The following FHL5 variants were observed in gnomAD, a reference collection of about 807,000 sequenced individuals.
FHL5 encodes the protein four and a half LIM domains 5.
FHL5 carries 33 observed loss-of-function variants against 32.0 expected under a neutral mutation model. The observed-to-expected ratio is 1.03, with a 90% CI of 0.78 to 1.38. The LOEUF (loss-of-function observed/expected upper bound fraction) is 1.38. FHL5 is among the 40% of genes most tolerant of loss of function. The pLI, the probability that FHL5 is intolerant of heterozygous loss-of-function variation, is 0.00. For synonymous variants in FHL5, 114 were observed against 113.6 expected (o/e 1.00, Z -0.02); for missense variants, 336 against 343.9 (o/e 0.98, Z 0.18).
At chr6:96,583,218 G>A (rs886263981) in intron 1 of FHL5, among the ~76,000 whole-genome samples, 9 of 152,088 alleles carry the variant, frequency 5.9e-5, no homozygotes, top group African/African-American at 1.9e-4. Flanking sequence ...GAACCAAGTG[G>A]AAAAAAAGAA....
rs1771521966 is a variant in FHL5, at chr6:96,616,384, A to G, written c.*612A>G. ...AGCTTGCTAGTTCTGTGTTTACTCAATGGAATATGAGAACTGAGGACATTA... is the reference window on the plus strand; with the variant it reads ...AGCTTGCTAGTTCTGTGTTTACTCAGTGGAATATGAGAACTGAGGACATTA... On this transcript the variant is annotated 3_prime_UTR_variant, in exon 6 of 6. Coordinates refer to ENST00000450218, the MANE Select transcript of FHL5 (RefSeq NM_001322466.2). 6.6e-6 allele frequency: 1 copy of G among 152,220 alleles called. No individual in the cohort carries two copies. The highest frequency in any genetic ancestry group is 2.1e-4 in the South Asian group (1 of 4,832). The allele number at this position is 152,220 out of a possible 1,614,324, so 9.4% of individuals were successfully genotyped here.
In FHL5 at chr6:96,617,945, T is replaced by G. The variant is rs1046577675; in HGVS notation, c.*2173T>G. Among the ~76,000 whole-genome samples, 2 of 152,190 alleles carry G rather than the reference T, an allele frequency of 1.3e-5. No individual in the cohort carries two copies. The highest frequency in any genetic ancestry group is 4.8e-5 in the African/African-American group (2 of 41,458). On this transcript the variant is annotated 3_prime_UTR_variant, in exon 6 of 6. Coordinates refer to ENST00000450218, the MANE Select transcript of FHL5 (RefSeq NM_001322466.2). ...AGGTATCCTACACATCAAACATCCA[T>G]TAAACATGTACTATGCCAAAAGTTA...
intron 4 of FHL5, among the ~76,000 whole-genome samples, chr6:96,607,406 TACACAC>T (rs3839357): frequency 2.0e-5 from 3 of 149,060 alleles, no homozygotes; most frequent in East Asian, 2.0e-4. Flanking sequence ...CACATGCACA[TACACAC>T]ACACACACAC....
intron 4 of FHL5, 104 bp from the exon 5 acceptor site, chr6:96,610,468 T>G: frequency 3.6e-6 from 3 of 824,438 alleles, no homozygotes; most frequent in Non-Finnish European, 5.9e-6. Flanking sequence ...TTTTTCTTTT[T>G]GCTTCCTTTT....
chr6:96,597,995 C>A (rs891478392), intron 1 of FHL5, among the ~76,000 whole-genome samples: 1 of 152,164 alleles, frequency 6.6e-6, no homozygotes, highest in African/African-American at 2.4e-5. Context: ...GATCCACATA[C>A]AGTAGTTGAC....
chr6:96,601,258 C>T (rs745319182), intron 1 of FHL5, among the ~76,000 whole-genome samples: 8 of 151,804 alleles, frequency 5.3e-5, no homozygotes, highest in African/African-American at 1.5e-4. Flanking sequence ...GGCTTGAACC[C>T]GGGAAGTAGA....
chr6:96,602,426 C>CTTTCTTTTTTTT (rs1771169538), intron 1 of FHL5, among the ~76,000 whole-genome samples: 2 of 33,684 alleles, frequency 5.9e-5, no homozygotes, highest in African/African-American at 8.3e-5. Flanking sequence ...TGCGTTGTTT[C>CTTTCTTTTTTTT]TTTTTTTTTT....
intron 5 of FHL5, among the ~76,000 whole-genome samples, chr6:96,613,988 T>C (rs1027214149): frequency 1.3e-5 from 2 of 152,248 alleles, no homozygotes; most frequent in Non-Finnish European, 2.9e-5. Flanking sequence ...ATAACACAGG[T>C]GTCAAAGACC....
chr6:96,585,634 C>T (rs1299787102), intron 1 of FHL5, among the ~76,000 whole-genome samples: 2 of 151,964 alleles, frequency 1.3e-5, no homozygotes, highest in Non-Finnish European at 1.5e-5. Context: ...TATGGTGTTA[C>T]CTATCTCCAT....
intron 1 of FHL5, among the ~76,000 whole-genome samples, chr6:96,580,152 T>A (rs1166114837): frequency 3.9e-5 from 6 of 152,296 alleles, no homozygotes; most frequent in African/African-American, 1.4e-4. Context: ...TACTATGGAA[T>A]CATAATGATG....
intron 1 of FHL5, among the ~76,000 whole-genome samples, chr6:96,565,933 G>A (rs1269326556): frequency 6.6e-6 from 1 of 151,888 alleles, no homozygotes; most frequent in Non-Finnish European, 1.5e-5. Context: ...TTGTATACAT[G>A]TATATGACAA....
intron 1 of FHL5, among the ~76,000 whole-genome samples, chr6:96,591,615 A>G (rs1049351708): frequency 1.3e-5 from 2 of 152,130 alleles, no homozygotes; most frequent in Admixed American, 6.6e-5. Context: ...CAATTTGAAT[A>G]TATCTCTCCA....
At chr6:96,614,100 G>A (rs554269438) in intron 5 of FHL5, among the ~76,000 whole-genome samples, 3 of 152,278 alleles carry the variant, frequency 2.0e-5, no homozygotes, top group Admixed American at 2.0e-4. Flanking sequence ...TGTTGGTTCA[G>A]CCCTTTCTTA....
Position 96,610,670 on chromosome 6 carries a change from C to A in FHL5, c.603C>A (p.Phe201Leu). 1 of 1,612,894 alleles carries A rather than the reference C, an allele frequency of 6.2e-7. No individual in the cohort carries two copies. Among genetic ancestry groups the A allele is most frequent in the Non-Finnish European group, 8.5e-7 (1 of 1,178,912 alleles). Reference sequence around the variant, plus strand: ...GGAAAGATCTCTGTGAAGAACAGTTCATGTCCAGAGACGACTATCCATTCT... The same window carrying A: ...GGAAAGATCTCTGTGAAGAACAGTTAATGTCCAGAGACGACTATCCATTCT... ...GCRKDLCEEQ[F>L]MSRDDYPFCV... Residue 201 changes from phenylalanine to leucine, a missense_variant, in exon 5 of 6, where the codon TTC becomes TTA. Phe to Leu is a conservative substitution (Grantham distance 22). Transcript: ENST00000450218.
At chr6:96,603,137 T>A (rs1771192104) in intron 1 of FHL5, among the ~76,000 whole-genome samples, 2 of 152,140 alleles carry the variant, frequency 1.3e-5, no homozygotes, top group Admixed American at 6.5e-5. Context: ...AAAATGACAA[T>A]GTACTGATTA....
At chr6:96,581,048 A>G (rs1367648817) in intron 1 of FHL5, among the ~76,000 whole-genome samples, 4 of 152,162 alleles carry the variant, frequency 2.6e-5, no homozygotes, top group Non-Finnish European at 4.4e-5. Context: ...TGATTCTCCC[A>G]TATTTTAGGG....
chr6:96,590,416 CTGTT>C (rs529977903), intron 1 of FHL5, among the ~76,000 whole-genome samples: 69 of 151,802 alleles, frequency 4.5e-4, no homozygotes, highest in Admixed American at 1.4e-3. Flanking sequence ...TTTCATTTCA[CTGTT>C]TGTTATTGTT....
intron 1 of FHL5, among the ~76,000 whole-genome samples, chr6:96,576,767 C>T (rs1307370350): frequency 6.6e-6 from 1 of 152,184 alleles, no homozygotes; most frequent in Non-Finnish European, 1.5e-5. Context: ...CGGACACAAC[C>T]CTAAACAGGA....
At chr6:96,602,444 T>C (rs1203955377) in intron 1 of FHL5, among the ~76,000 whole-genome samples, 5 of 111,796 alleles carry the variant, frequency 4.5e-5, no homozygotes, top group East Asian at 4.8e-4. Context: ...TTTTTTTTTT[T>C]TTTTTTTTTT....
Sources: gnomAD v4.1 joint callset for allele counts (sites outside exome capture counted in the v4.1 genomes callset) on GRCh38, gnomAD v4.1.1 for gene constraint, MANE v1.5 for transcripts, NCBI Gene and HGNC (gene_info 2026-07-23, HGNC 2026-07-21) for gene names.